Variants in PLXDC2 observed in about 807,000 individuals in gnomAD.
The protein encoded by PLXDC2 is plexin domain containing 2.
A neutral mutation model predicts 68.9 loss-of-function variants in PLXDC2; 40 were observed. The ratio of observed to expected loss-of-function variants is 0.58; its 90% CI spans 0.45 to 0.76. The LOEUF (loss-of-function observed/expected upper bound fraction) is 0.76. Among genes scored for constraint, PLXDC2 ranks in the 30% least tolerant of loss-of-function variants. The pLI, the probability that PLXDC2 is intolerant of heterozygous loss-of-function variation, is 0.00. For synonymous variants in PLXDC2, 243 were observed against 234.2 expected (o/e 1.04, Z -0.34); for missense variants, 644 against 661.9 (o/e 0.97, Z 0.30).
chr10:20,137,876 T>G (rs1267646505), intron 4 of PLXDC2, among the ~76,000 whole-genome samples: 1 of 152,158 alleles, frequency 6.6e-6, no homozygotes, highest in Non-Finnish European at 1.5e-5. Context: ...TTACTGCATG[T>G]CGACATGGTC....
intron 1 of PLXDC2, among the ~76,000 whole-genome samples, chr10:19,930,157 A>G (rs11011686): frequency 0.15 from 23,296 of 152,054 alleles, 2,333 homozygotes; most frequent in East Asian, 0.28. Flanking sequence ...AGCAGGCATT[A>G]TACTCTTCTT....
intron 13 of PLXDC2, among the ~76,000 whole-genome samples, chr10:20,254,644 A>T (rs1015324815): frequency 9.2e-5 from 14 of 152,204 alleles, no homozygotes; most frequent in Non-Finnish European, 1.6e-4. Flanking sequence ...CTGCAAGGAA[A>T]GAAAGATAAG....
chr10:20,279,182 AT>A (rs1431120980), intron 13 of PLXDC2, among the ~76,000 whole-genome samples: 3 of 152,196 alleles, frequency 2.0e-5, no homozygotes, highest in Non-Finnish European at 4.4e-5. Context: ...TTCTTAAGAT[AT>A]TAAGTGATAT....
intron 4 of PLXDC2, among the ~76,000 whole-genome samples, chr10:20,077,012 G>A (rs187661712): frequency 5.9e-5 from 9 of 152,166 alleles, no homozygotes; most frequent in Non-Finnish European, 1.3e-4. Flanking sequence ...TAATCAGTAC[G>A]ACATATATAT....
chr10:20,238,007 A>G (rs1195775151), intron 12 of PLXDC2, among the ~76,000 whole-genome samples: 1 of 152,062 alleles, frequency 6.6e-6, no homozygotes, highest in East Asian at 1.9e-4. Flanking sequence ...GCATTAAAAT[A>G]TTTTACCATA....
At chr10:19,973,944 A>C (rs561051912) in intron 1 of PLXDC2, among the ~76,000 whole-genome samples, 2 of 152,336 alleles carry the variant, frequency 1.3e-5, no homozygotes, top group East Asian at 3.9e-4. Flanking sequence ...TAAAATTAGA[A>C]CATCTCATTT....
chr10:19,868,278 C>G (rs1403625135), intron 1 of PLXDC2, among the ~76,000 whole-genome samples: 4 of 152,102 alleles, frequency 2.6e-5, no homozygotes, highest in African/African-American at 4.8e-5. Flanking sequence ...TCCCACCCGC[C>G]ACCCTCAATA....
At position 20,274,817 on chromosome 10, in the gene PLXDC2, A is replaced by G. The variant is rs552443981; in HGVS notation, c.1474-4886A>G. On this transcript the variant is annotated intron_variant, in intron 13 of 13. Coordinates refer to ENST00000377252, the MANE Select transcript of PLXDC2 (RefSeq NM_032812.9). ...GGACCCAAAACCACTGTGTTTCCCC[A>G]TAGATACAATTGACAAATAAAATAC... Among the ~76,000 whole-genome samples the G allele has an allele frequency of 9.9e-5, 15 of 151,974 alleles. No individual in the cohort carries two copies. The East Asian group carries it at 1.2e-3, about 12-fold the overall frequency.
chr10:19,923,076 A>G (rs1321730922), intron 1 of PLXDC2, among the ~76,000 whole-genome samples: 4 of 152,042 alleles, frequency 2.6e-5, no homozygotes, highest in African/African-American at 4.8e-5. Context: ...TAAAAAAAAA[A>G]TCTCTTAAGT....
intron 2 of PLXDC2, among the ~76,000 whole-genome samples, chr10:20,018,218 T>C (rs1382897924): frequency 6.6e-6 from 1 of 152,224 alleles, no homozygotes; most frequent in Non-Finnish European, 1.5e-5. Flanking sequence ...CCTGATGTAA[T>C]CTTACTAGGC....
At position 20,029,577 on chromosome 10, in the gene PLXDC2, CAAAA is replaced by C. The variant is rs527459520; in HGVS notation, c.325-17288_325-17285del. On this transcript the variant is annotated intron_variant, in intron 2 of 13. Transcript: ENST00000377252. ...CCCCTGGGACTTTGCAAGACAGAACCAAAAAAATAAAAAATAAATAAATAAAAAA... is the reference window on the plus strand; with the variant it reads ...CCCCTGGGACTTTGCAAGACAGAACCAAATAAAAAATAAATAAATAAAAAA... Among the ~76,000 whole-genome samples, 459 of 151,016 alleles carry C rather than the reference CAAAA, an allele frequency of 3.0e-3. 1 individual carries two copies. Among genetic ancestry groups the C allele is most frequent in the Middle Eastern group, 0.014 (4 of 292 alleles).
chr10:20,126,465 CGTTATAT>C, intron 4 of PLXDC2, among the ~76,000 whole-genome samples: 2 of 49,064 alleles, frequency 4.1e-5, no homozygotes, highest in Admixed American at 2.6e-4. Flanking sequence ...ATACAACACA[CGTTATAT>C]ATGTATATAT....
intron 6 of PLXDC2, among the ~76,000 whole-genome samples, chr10:20,152,502 T>G (rs1248857352): frequency 6.6e-6 from 1 of 152,112 alleles, no homozygotes; most frequent in African/African-American, 2.4e-5. Flanking sequence ...ACTTCAAAGA[T>G]AGAGTTTGCT....
At chr10:19,876,459 G>A (rs1274618914) in intron 1 of PLXDC2, among the ~76,000 whole-genome samples, 3 of 151,888 alleles carry the variant, frequency 2.0e-5, no homozygotes, top group African/African-American at 4.8e-5. Flanking sequence ...GCAATTAGCC[G>A]GGCGTGGTGG....
chr10:19,946,489 T>G (rs1833902865), intron 1 of PLXDC2, among the ~76,000 whole-genome samples: 1 of 151,572 alleles, frequency 6.6e-6, no homozygotes, highest in Non-Finnish European at 1.5e-5. Flanking sequence ...GGGAAGGAAG[T>G]TTGCAGAAGG....
intron 1 of PLXDC2, among the ~76,000 whole-genome samples, chr10:19,914,253 T>A (rs1028348847): frequency 6.6e-6 from 1 of 152,166 alleles, no homozygotes; most frequent in African/African-American, 2.4e-5. Flanking sequence ...AATTGCATGG[T>A]CTTATTAATC....
intron 1 of PLXDC2, among the ~76,000 whole-genome samples, chr10:19,823,043 G>A (rs985011053): frequency 2.0e-5 from 3 of 151,886 alleles, no homozygotes; most frequent in Non-Finnish European, 2.9e-5. Flanking sequence ...AGCTTCCCAA[G>A]TAGCTGGGAC....
At position 20,072,420 on chromosome 10, in the gene PLXDC2, AAGAG is replaced by A. The variant is rs1554764521; in HGVS notation, c.541+4185_541+4188del. Among the ~76,000 whole-genome samples the A allele has an allele frequency of 3.9e-4, 46 of 118,120 alleles. 1 individual carries two copies. Among genetic ancestry groups the A allele is most frequent in the African/African-American group, 6.1e-4 (13 of 21,364 alleles). 77.5% of individuals were successfully genotyped at this position (118,120 alleles called of 152,430 possible). A position where few individuals can be genotyped will look rare whatever the true frequency, so the allele number is the denominator to read the frequency against. On this transcript the variant is annotated intron_variant, in intron 4 of 13. Coordinates refer to ENST00000377252, the MANE Select transcript of PLXDC2 (RefSeq NM_032812.9). ...AGAAAGAAGAAAGAAAGAGGAAAGA[AAGAG>A]AGAAAGAAAGAAGAAAGAAGGAAAG...
At chr10:20,078,284 G>C (rs547026465) in intron 4 of PLXDC2, among the ~76,000 whole-genome samples, 6 of 152,286 alleles carry the variant, frequency 3.9e-5, no homozygotes, top group South Asian at 2.1e-4. Context: ...TCAGGAGGCT[G>C]AGGCAGGAGG....
Sources: allele counts gnomAD v4.1 joint callset (sites outside exome capture counted in the v4.1 genomes callset), GRCh38; gene constraint gnomAD v4.1.1; transcripts MANE v1.5; gene names NCBI Gene and HGNC (gene_info 2026-07-23, HGNC 2026-07-21).